Variants in SMARCA2 observed in about 807,000 individuals in gnomAD.
SMARCA2 encodes the protein SWI/SNF-related matrix-associated actin-dependent regulator of chromatin subfamily A member 2.
SMARCA2 carries 61 observed loss-of-function variants against 199.8 expected under a neutral mutation model. That is an observed-to-expected ratio of 0.31 (90% CI 0.25 to 0.38). The LOEUF is 0.38. SMARCA2 is among the 10% of genes least tolerant of loss of function. SMARCA2 has a pLI of 1.00. For missense variants in SMARCA2, 1,344 were observed against 2,012.2 expected (o/e 0.67, Z 6.35); for synonymous variants, 935 against 732.0 (o/e 1.28, Z -4.48).
chr9:2,147,161 G>A (rs958345598), intron 27 of SMARCA2, among the ~76,000 whole-genome samples: 1 of 148,646 alleles, frequency 6.7e-6, no homozygotes, highest in Non-Finnish European at 1.5e-5. Flanking sequence ...TGAGCAATAG[G>A]ATACAGCTCA....
At chr9:2,154,605 T>G (rs1221459468) in intron 27 of SMARCA2, among the ~76,000 whole-genome samples, 1 of 152,174 alleles carries the variant, frequency 6.6e-6, no homozygotes, top group Non-Finnish European at 1.5e-5. Flanking sequence ...GGATTGTGGC[T>G]CAGTTCCTCA....
chr9:2,081,432 G>A (rs760653913), intron 14 of SMARCA2, among the ~76,000 whole-genome samples: 2 of 152,300 alleles, frequency 1.3e-5, no homozygotes, highest in African/African-American at 2.4e-5. Context: ...CCATATTACC[G>A]AAAAGGCTGT....
chr9:2,109,634 G>A (rs962660816), intron 23 of SMARCA2, among the ~76,000 whole-genome samples: 2 of 71,510 alleles, frequency 2.8e-5, no homozygotes, highest in African/African-American at 5.3e-4. Context: ...ATTTCTTGTG[G>A]GGGGGGTGGG....
rs1384093290 is a variant in SMARCA2, at chr9:2,157,792, G to A, written c.3982-3894G>A. 1.0e-5 allele frequency: 4 copies of A among 397,540 alleles called. No individual in the cohort carries two copies. In the Admixed American group the frequency reaches 1.8e-4, roughly 18 times the overall value. The allele number at this position is 397,540 out of a possible 1,614,324, so 24.6% of individuals were successfully genotyped here. A position where few individuals can be genotyped will look rare whatever the true frequency, so the allele number is the denominator to read the frequency against. On this transcript the variant is annotated intron_variant, in intron 27 of 33. Transcript: ENST00000349721. ...GATCCCCTCTGCTTTGTGATACTGTGAACCACGCATAACAGCAATTCTTTA... is the reference window on the plus strand; with the variant it reads ...GATCCCCTCTGCTTTGTGATACTGTAAACCACGCATAACAGCAATTCTTTA...
intron 19 of SMARCA2, among the ~76,000 whole-genome samples, chr9:2,091,426 ATGT>A (rs1387710755): frequency 1.3e-5 from 2 of 152,178 alleles, no homozygotes; most frequent in Admixed American, 1.3e-4. Context: ...AGATTCATCC[ATGT>A]TGTTGCATGT....
chr9:2,186,369 C>G, intron 32 of SMARCA2, 141 bp downstream of exon 32: 5 of 826,140 alleles, frequency 6.1e-6, no homozygotes, highest in Non-Finnish European at 1.8e-6. Flanking sequence ...TGCTGGGCAA[C>G]CGGTGGCCAT....
rs1264819857 is a variant in SMARCA2, at chr9:2,186,273, C to A, written c.4594+45C>A. 2.5e-6 allele frequency: 4 copies of A among 1,574,452 alleles called. No homozygotes were observed. The South Asian group carries it at 4.6e-5, about 18-fold the overall frequency. On this transcript the variant is annotated intron_variant, in intron 32 of 33. Transcript: ENST00000349721. Reference sequence around the variant, plus strand: ...TCCTGTACATCTTTGCCCCTCCTCACCTGCATAGCTGTCTCCACAGATGTT... The same window carrying A: ...TCCTGTACATCTTTGCCCCTCCTCAACTGCATAGCTGTCTCCACAGATGTT...
In SMARCA2 at chr9:2,182,679, C is replaced by T. The variant is rs181197411; in HGVS notation, c.4461+437C>T. ...CTGGCTGATTTTTGTATTTGTAGTA[C>T]AGATGGAGTTTCACCATGTTGGCCA... On this transcript the variant is annotated intron_variant, in intron 31 of 33. Coordinates refer to ENST00000349721, the MANE Select transcript of SMARCA2 (RefSeq NM_003070.5). 9.5e-3 allele frequency among the ~76,000 whole-genome samples: 1,450 copies of T among 151,858 alleles called. 14 individuals are homozygous for T. Among genetic ancestry groups the T allele is most frequent in the Non-Finnish European group, 0.015 (1,051 of 67,884 alleles).
At chr9:2,098,516 G>A (rs377132775) in intron 21 of SMARCA2, among the ~76,000 whole-genome samples, 1 of 152,310 alleles carries the variant, frequency 6.6e-6, no homozygotes, top group East Asian at 1.9e-4. Flanking sequence ...GAGTCCATAG[G>A]AGAAAGTATC....
chr9:2,176,182 G>GTTTTTTTTTTT (rs56186732), intron 29 of SMARCA2, among the ~76,000 whole-genome samples: 1,097 of 103,932 alleles, frequency 0.011, 23 homozygotes, highest in Middle Eastern at 0.031. Context: ...CGCCCGGCCT[G>GTTTTTTTTTTT]TTTTTTTTTT....
At chr9:2,112,472 G>T (rs574029549) in intron 24 of SMARCA2, among the ~76,000 whole-genome samples, 2 of 151,524 alleles carry the variant, frequency 1.3e-5, no homozygotes, top group African/African-American at 4.9e-5. Flanking sequence ...ACCCCACCCC[G>T]CCTCTCATTT....
intron 1 of SMARCA2, among the ~76,000 whole-genome samples, chr9:2,026,328 A>G (rs960588968): frequency 1.3e-5 from 2 of 152,226 alleles, no homozygotes; most frequent in Non-Finnish European, 2.9e-5. Flanking sequence ...AGTTTCCTAT[A>G]TAACACGTTC....
At position 2,176,182 on chromosome 9, in the gene SMARCA2, G is replaced by GTTTTTTTTTTTTTT. The variant is rs56186732; in HGVS notation, c.4254-5381_4254-5368dup. ...AGGCATGAGCCACCGCGCCCGGCCT[G>GTTTTTTTTTTTTTT]TTTTTTTTTTTTTTTTTTTTTATAA... On this transcript the variant is annotated intron_variant, in intron 29 of 33. Transcript: ENST00000349721. 1.2e-3 allele frequency among the ~76,000 whole-genome samples: 121 copies of GTTTTTTTTTTTTTT among 104,102 alleles called. 4 individuals are homozygous for GTTTTTTTTTTTTTT. The highest frequency in any genetic ancestry group is 3.7e-3 in the African/African-American group (99 of 26,838). The allele number at this position is 104,102 out of a possible 152,430, so 68.3% of individuals were successfully genotyped here.
At chr9:2,187,606 G>A (rs952029381) in intron 32 of SMARCA2, among the ~76,000 whole-genome samples, 5 of 152,018 alleles carry the variant, frequency 3.3e-5, no homozygotes, top group Non-Finnish European at 5.9e-5. Flanking sequence ...TAGTCTAGGT[G>A]TTCAAGGCTG....
intron 19 of SMARCA2, among the ~76,000 whole-genome samples, chr9:2,092,281 A>C (rs1822094385): frequency 6.6e-6 from 1 of 152,186 alleles, no homozygotes; most frequent in East Asian, 1.9e-4. Context: ...GACCTACCTA[A>C]AGTCAATCCT....
chr9:2,125,270 C>T (rs972900807), intron 27 of SMARCA2, among the ~76,000 whole-genome samples: 1 of 152,062 alleles, frequency 6.6e-6, no homozygotes, highest in Non-Finnish European at 1.5e-5. Flanking sequence ...ATTAGTTTGT[C>T]GTATCCAGTC....
chr9:2,192,941 G>T lies in SMARCA2; in HGVS notation c.*202G>T. 3.8e-6 allele frequency: 2 copies of T among 525,348 alleles called. No homozygotes were observed. The highest frequency in any genetic ancestry group is 6.7e-6 in the Non-Finnish European group (2 of 297,778). 32.5% of individuals were successfully genotyped at this position (525,348 alleles called of 1,614,324 possible). On this transcript the variant is annotated 3_prime_UTR_variant, in exon 34 of 34. Coordinates refer to ENST00000349721, the MANE Select transcript of SMARCA2 (RefSeq NM_003070.5). Reference sequence around the variant, plus strand: ...CATACACAAATATTTGTAACATATTGTGACCAAATGGGCCTCAAAGATTCA... The same window carrying T: ...CATACACAAATATTTGTAACATATTTTGACCAAATGGGCCTCAAAGATTCA...
intron 27 of SMARCA2, among the ~76,000 whole-genome samples, chr9:2,149,243 T>A (rs140136848): frequency 0.012 from 1,793 of 150,992 alleles, 56 homozygotes; most frequent in African/African-American, 0.042. Context: ...CCTGGCTGGG[T>A]GTGGTGGCTC....
chr9:2,119,320 G>A lies in SMARCA2; in HGVS notation c.3685-138G>A. 1.6e-6 allele frequency: 1 copy of A among 617,840 alleles called. No individual in the cohort carries two copies. Among genetic ancestry groups the A allele is most frequent in the Admixed American group, 2.9e-5 (1 of 34,606 alleles). The allele number at this position is 617,840 out of a possible 1,614,324, so 38.3% of individuals were successfully genotyped here. On this transcript the variant is annotated intron_variant, in intron 25 of 33. Coordinates refer to ENST00000349721, the MANE Select transcript of SMARCA2 (RefSeq NM_003070.5). This position sits in a 1 kb window ranked among gnomAD's most constrained non-coding sequence, Gnocchi z 4.6. ...TAGCTTGTAAAATAGTAACGTCAAG[G>A]ACTAAATCCAGCAACCCCTTCCCTT...
Sources: allele counts gnomAD v4.1 joint callset (sites outside exome capture counted in the v4.1 genomes callset), GRCh38; gene constraint gnomAD v4.1.1; non-coding constraint Gnocchi (gnomAD v3.1); transcripts MANE v1.5; gene names NCBI Gene and HGNC (gene_info 2026-07-23, HGNC 2026-07-21).